PTPRG: variants seen among roughly 807,000 people sequenced by gnomAD.
PTPRG encodes the protein receptor-type tyrosine-protein phosphatase gamma.
In PTPRG, 102 loss-of-function variants were observed where a neutral mutation model predicts 165.3. The ratio of observed to expected loss-of-function variants is 0.62; its 90% CI spans 0.53 to 0.73. The LOEUF is 0.73. Ranked by LOEUF, PTPRG falls within the 30% of genes least tolerant of loss-of-function variation. The probability of loss-of-function intolerance (pLI) is 0.00; values close to 1 mark genes in which losing one functional copy is unlikely to be tolerated. For synonymous variants in PTPRG, 675 were observed against 669.5 expected, an observed-to-expected ratio of 1.01 and a Z score of -0.13; for missense variants, 1,866 against 1,861.4, an observed-to-expected ratio of 1.00 and a Z score of -0.05.
chr3:62,267,349 G>C, intron 17 of PTPRG, 61 bp from the exon 18 acceptor site: 1 of 1,267,170 alleles, frequency 7.9e-7, no homozygotes. Context: ...TTGTGCTTTA[G>C]AATGGTGCTA....
At chr3:61,571,798 A>G (rs1266814866) in intron 1 of PTPRG, among the ~76,000 whole-genome samples, 1 of 152,184 alleles carries the variant, frequency 6.6e-6, no homozygotes, top group Non-Finnish European at 1.5e-5. Context: ...CTGAATCATA[A>G]CTTCAGGAAA....
chr3:61,983,873 T>G (rs1309264391), intron 2 of PTPRG, among the ~76,000 whole-genome samples: 1 of 152,146 alleles, frequency 6.6e-6, no homozygotes, highest in Non-Finnish European at 1.5e-5. Context: ...TAGGGCAACA[T>G]TAAGGTGTTT....
intron 5 of PTPRG, among the ~76,000 whole-genome samples, chr3:62,104,277 G>A (rs1305435994): frequency 6.6e-6 from 1 of 152,126 alleles, no homozygotes; most frequent in African/African-American, 2.4e-5. Flanking sequence ...ATTGTATATA[G>A]CCCTGCTGGC....
chr3:61,997,811 C>T (rs1005885418), intron 3 of PTPRG, among the ~76,000 whole-genome samples: 1 of 152,312 alleles, frequency 6.6e-6, no homozygotes, highest in African/African-American at 2.4e-5. Flanking sequence ...TAGTGGAAGG[C>T]TGGAACTAGA....
intron 14 of PTPRG, among the ~76,000 whole-genome samples, chr3:62,242,056 A>G (rs190600629): frequency 6.6e-6 from 1 of 152,352 alleles, no homozygotes; most frequent in Admixed American, 6.5e-5. Context: ...AAGGAATCCA[A>G]GAGTAGAAAA....
chr3:61,763,357 C>T (rs1300783948), intron 2 of PTPRG, among the ~76,000 whole-genome samples: 4 of 152,060 alleles, frequency 2.6e-5, no homozygotes, highest in Non-Finnish European at 5.9e-5. Flanking sequence ...CCTGCCTCAG[C>T]CTCCCAAGTA....
intron 4 of PTPRG, among the ~76,000 whole-genome samples, chr3:62,011,145 C>T (rs917739178): frequency 3.9e-5 from 6 of 152,166 alleles, no homozygotes; most frequent in Admixed American, 1.3e-4. Context: ...CCTTCCAGTG[C>T]GCATGCAGGC....
chr3:62,166,817 A>G (rs973899546), intron 7 of PTPRG, among the ~76,000 whole-genome samples: 2 of 151,816 alleles, frequency 1.3e-5, no homozygotes, highest in African/African-American at 2.4e-5. Flanking sequence ...CCCTCCCAAG[A>G]AGCTGCGACT....
At chr3:62,004,793 T>C (rs1333855624) in intron 4 of PTPRG, among the ~76,000 whole-genome samples, 1 of 152,230 alleles carries the variant, frequency 6.6e-6, no homozygotes, top group African/African-American at 2.4e-5. Context: ...AGGAGCTGCA[T>C]GGCCAAGAAA....
At chr3:62,018,255 G>A (rs1232733825) in intron 4 of PTPRG, among the ~76,000 whole-genome samples, 1 of 152,142 alleles carries the variant, frequency 6.6e-6, no homozygotes, top group Non-Finnish European at 1.5e-5. Context: ...AGCCAAATTT[G>A]AGTAATTTTC....
intron 1 of PTPRG, among the ~76,000 whole-genome samples, chr3:61,632,976 C>A (rs1701810102): frequency 6.6e-6 from 1 of 152,150 alleles, no homozygotes; most frequent in African/African-American, 2.4e-5. Flanking sequence ...TTTTTTCCAC[C>A]CCAGGGTTCT....
rs1156755587 is a variant in PTPRG, at chr3:61,562,731, A to G, written c.85+359A>G. On this transcript the variant is annotated intron_variant, in intron 1 of 29. Coordinates refer to ENST00000474889, the MANE Select transcript of PTPRG (RefSeq NM_002841.4). ...CTCGAGTTGTGGGGCGGTTGGGGAG[A>G]CTGAGGCCATGGAAAGGATGCTTCT... Among the ~76,000 whole-genome samples the G allele has an allele frequency of 2.0e-5, 3 of 150,952 alleles. No individual in the cohort carries two copies. The East Asian group carries it at 5.9e-4, about 30-fold the overall frequency.
intron 1 of PTPRG, among the ~76,000 whole-genome samples, chr3:61,671,081 C>T (rs935347451): frequency 6.0e-5 from 9 of 149,972 alleles, no homozygotes; most frequent in Admixed American, 4.0e-4. Context: ...CGGCATCTCT[C>T]GGGGAAGATT....
rs774317272 is a variant in PTPRG at position 61,680,840 on chromosome 3, G to GT, written c.86-68037dup. Reference sequence around the variant, plus strand: ...CCGGTTGGTGTTTGGTGCCTGCTGTGTAACTTGCTGGGTGTTGGGAACCTG... The same window carrying GT: ...CCGGTTGGTGTTTGGTGCCTGCTGTGTTAACTTGCTGGGTGTTGGGAACCTG... On this transcript the variant is annotated intron_variant, in intron 1 of 29. Transcript: ENST00000474889. Among the ~76,000 whole-genome samples the GT allele has an allele frequency of 2.8e-4, 31 of 109,448 alleles. 6 individuals are homozygous for GT. Among genetic ancestry groups the GT allele is most frequent in the African/African-American group, 7.2e-4 (24 of 33,218 alleles). The allele number at this position is 109,448 out of a possible 152,430, so 71.8% of individuals were successfully genotyped here.
intron 2 of PTPRG, among the ~76,000 whole-genome samples, chr3:61,758,804 T>G (rs554023004): frequency 5.3e-5 from 8 of 152,128 alleles, no homozygotes; most frequent in Non-Finnish European, 1.0e-4. Context: ...TGGGGTGGTC[T>G]TGGTAGCAGT....
chr3:62,277,732 A>T (rs1205993903), intron 26 of PTPRG, 53 bp downstream of exon 26: 1 of 1,599,772 alleles, frequency 6.3e-7, no homozygotes, highest in Non-Finnish European at 8.5e-7. Context: ...CTACAAGCAT[A>T]AATTACTTTG....
chr3:61,981,337 C>A (rs2040639791), intron 2 of PTPRG, among the ~76,000 whole-genome samples: 1 of 152,244 alleles, frequency 6.6e-6, no homozygotes, highest in Admixed American at 6.5e-5. Flanking sequence ...ATATCACCCT[C>A]TGAACTGAGA....
At chr3:62,194,685 C>T (rs1365049589) in intron 9 of PTPRG, among the ~76,000 whole-genome samples, 1 of 152,084 alleles carries the variant, frequency 6.6e-6, no homozygotes, top group African/African-American at 2.4e-5. Flanking sequence ...CTCCTGTAAT[C>T]CCAGCTACTC....
Position 62,036,983 on chromosome 3 carries a change from G to GCGCACACACACACACA in PTPRG, c.519+33487_519+33488insGCACACACACACACAC, listed in dbSNP as rs145992725. Among the ~76,000 whole-genome samples the GCGCACACACACACACA allele has an allele frequency of 6.4e-4, 96 of 150,562 alleles. No individual in the cohort carries two copies. In the East Asian group the frequency reaches 0.016, roughly 26 times the overall value. Reference sequence around the variant, plus strand: ...CAGTGCTGCACGTGCGCGCGCGCACGCACACACACACACACACACACACAC... The same window carrying GCGCACACACACACACA: ...CAGTGCTGCACGTGCGCGCGCGCACGCGCACACACACACACACACACACACACACACACACACACAC... On this transcript the variant is annotated intron_variant, in intron 4 of 29. Transcript: ENST00000474889.
Sources: gnomAD v4.1 joint callset for allele counts (sites outside exome capture counted in the v4.1 genomes callset) on GRCh38, gnomAD v4.1.1 for gene constraint, MANE v1.5 for transcripts, NCBI Gene and HGNC (gene_info 2026-07-23, HGNC 2026-07-21) for gene names.